The following CREB5 variants were observed in gnomAD, a reference collection of about 807,000 sequenced individuals.
CREB5 encodes the protein cAMP responsive element binding protein 5.
A neutral mutation model predicts 57.1 loss-of-function variants in CREB5; 19 were observed. That is an observed-to-expected ratio of 0.33 (90% confidence interval 0.23 to 0.49). The LOEUF is 0.49. Ranked by LOEUF, CREB5 falls within the 20% of genes least tolerant of loss-of-function variation. The probability of loss-of-function intolerance (pLI) is 0.99; values close to 1 mark genes in which losing one functional copy is unlikely to be tolerated. For missense variants in CREB5, 579 were observed against 671.6 expected (o/e 0.86, Z 1.52); for synonymous variants, 238 against 238.3 (o/e 1.00, Z 0.01).
chr7:28,649,959 A>C (rs1202404281), intron 5 of CREB5, among the ~76,000 whole-genome samples: 3 of 152,204 alleles, frequency 2.0e-5, no homozygotes, highest in Non-Finnish European at 2.9e-5. Context: ...AAGCTCTTGC[A>C]ATTGAAAGCC....
At chr7:28,704,839 TG>T (rs1239862311) in intron 5 of CREB5, among the ~76,000 whole-genome samples, 1 of 152,070 alleles carries the variant, frequency 6.6e-6, no homozygotes, top group Non-Finnish European at 1.5e-5. Context: ...AGCCATTTTT[TG>T]TGTGTGTGTG....
chr7:28,716,968 G>A (rs1445923858), intron 5 of CREB5, among the ~76,000 whole-genome samples: 1 of 151,956 alleles, frequency 6.6e-6, no homozygotes, highest in South Asian at 2.1e-4. Context: ...AGCACTCATC[G>A]TTGTTACAAG....
chr7:28,417,515 G>A (rs1788075806), intron 1 of CREB5, among the ~76,000 whole-genome samples: 1 of 152,044 alleles, frequency 6.6e-6, no homozygotes, highest in Admixed American at 6.6e-5. Context: ...TATGATCCTG[G>A]CAGCCCAGTA....
At chr7:28,381,089 T>G (rs1403534572) in intron 1 of CREB5, among the ~76,000 whole-genome samples, 3 of 152,154 alleles carry the variant, frequency 2.0e-5, no homozygotes, top group Non-Finnish European at 4.4e-5. Context: ...TTCCTCCCTT[T>G]CAAGCTAGGA....
At chr7:28,797,313 C>T (rs1363959607) in intron 7 of CREB5, among the ~76,000 whole-genome samples, 1 of 152,178 alleles carries the variant, frequency 6.6e-6, no homozygotes, top group African/African-American at 2.4e-5. Context: ...TGTGATACTC[C>T]TGGCATCATT....
chr7:28,313,475 A>G (rs1785317958), intron 1 of CREB5, among the ~76,000 whole-genome samples: 1 of 152,230 alleles, frequency 6.6e-6, no homozygotes, highest in Non-Finnish European at 1.5e-5. Flanking sequence ...AGGATAAAAG[A>G]CAACCTGACT....
At chr7:28,797,570 A>G (rs1424745510) in intron 7 of CREB5, among the ~76,000 whole-genome samples, 2 of 152,356 alleles carry the variant, frequency 1.3e-5, no homozygotes, top group South Asian at 2.1e-4. Flanking sequence ...TTGCGGAACC[A>G]TCAAAGCTGA....
At chr7:28,721,063 CT>C (rs1803006411) in intron 6 of CREB5, among the ~76,000 whole-genome samples, 1 of 152,178 alleles carries the variant, frequency 6.6e-6, no homozygotes, top group Non-Finnish European at 1.5e-5. Flanking sequence ...GCTCCCAAAC[CT>C]GTGACATTGA....
intron 1 of CREB5, among the ~76,000 whole-genome samples, chr7:28,371,628 C>T (rs992044403): frequency 6.6e-6 from 1 of 152,214 alleles, no homozygotes; most frequent in African/African-American, 2.4e-5. Flanking sequence ...AGTATCTGGC[C>T]TTCTCAGGCA....
intron 1 of CREB5, among the ~76,000 whole-genome samples, chr7:28,332,463 C>T (rs949884994): frequency 3.9e-5 from 6 of 152,228 alleles, no homozygotes; most frequent in East Asian, 1.9e-4. Context: ...ATATAGTAGA[C>T]GCTCAGGTTA....
intron 7 of CREB5, among the ~76,000 whole-genome samples, 157 bp from the exon 8 acceptor site, chr7:28,804,042 T>C (rs1192324545): frequency 6.6e-6 from 1 of 152,204 alleles, no homozygotes; most frequent in Non-Finnish European, 1.5e-5. Flanking sequence ...ATATAAAAGC[T>C]ATCTTGTACT....
chr7:28,802,313 T>C (rs1218411749), intron 7 of CREB5, among the ~76,000 whole-genome samples: 7 of 152,128 alleles, frequency 4.6e-5, no homozygotes, highest in Non-Finnish European at 1.0e-4. Flanking sequence ...CCTTTCCTCT[T>C]GTTTTTTATT....
chr7:28,816,477 C>A (rs1809446415), intron 9 of CREB5, among the ~76,000 whole-genome samples: 2 of 151,998 alleles, frequency 1.3e-5, no homozygotes, highest in Admixed American at 1.3e-4. Flanking sequence ...GCTAATTTCC[C>A]AAATAGTCAT....
intron 5 of CREB5, among the ~76,000 whole-genome samples, chr7:28,642,985 C>CACACACACAT (rs1562544740): frequency 3.6e-4 from 39 of 108,568 alleles, no homozygotes; most frequent in African/African-American, 1.2e-3. Context: ...CACACACACA[C>CACACACACAT]ATACACACAC....
At chr7:28,774,734 C>T (rs1806524719) in intron 7 of CREB5, among the ~76,000 whole-genome samples, 1 of 152,230 alleles carries the variant, frequency 6.6e-6, no homozygotes, top group South Asian at 2.1e-4. Flanking sequence ...ACTCAAGTGA[C>T]ACTCCATAAC....
At chr7:28,458,349 G>T (rs1790205291) in intron 1 of CREB5, among the ~76,000 whole-genome samples, 2 of 152,208 alleles carry the variant, frequency 1.3e-5, no homozygotes, top group African/African-American at 4.8e-5. Context: ...TTCTAAAAAA[G>T]ATAGGCAGAA....
intron 1 of CREB5, among the ~76,000 whole-genome samples, chr7:28,313,435 A>C (rs1785317440): frequency 6.6e-6 from 1 of 152,182 alleles, no homozygotes; most frequent in Non-Finnish European, 1.5e-5. Context: ...AAGTATTTTT[A>C]TTACTTTTGG....
intron 6 of CREB5, among the ~76,000 whole-genome samples, chr7:28,720,953 G>C: frequency 6.6e-6 from 1 of 152,172 alleles, no homozygotes; most frequent in East Asian, 1.9e-4. Flanking sequence ...AGGCTGAAAA[G>C]ACCCAGAGAA....
chr7:28,624,974 G>T (rs1179051878), intron 5 of CREB5, among the ~76,000 whole-genome samples: 2 of 150,754 alleles, frequency 1.3e-5, no homozygotes, highest in Non-Finnish European at 2.9e-5. Context: ...AGCAAAATTG[G>T]TACAGTAGTA....
Sources: gnomAD v4.1 joint callset for allele counts (sites outside exome capture counted in the v4.1 genomes callset) on GRCh38, gnomAD v4.1.1 for gene constraint, MANE v1.5 for transcripts, NCBI Gene and HGNC (gene_info 2026-07-23, HGNC 2026-07-21) for gene names.